CAMTA1: variants seen among roughly 807,000 people sequenced by gnomAD.
CAMTA1 encodes calmodulin binding transcription activator 1.
Under a neutral mutation model 170.9 loss-of-function variants are expected in CAMTA1, and 27 were observed. That is an observed-to-expected ratio of 0.16 (90% CI 0.12 to 0.22). CAMTA1 has a LOEUF of 0.22. Among genes scored for constraint, CAMTA1 ranks in the 10% least tolerant of loss-of-function variants. CAMTA1 has a pLI of 1.00. For missense variants in CAMTA1, 1,619 were observed against 2,217.2 expected, an observed-to-expected ratio of 0.73 and a Z score of 5.42; for synonymous variants, 833 against 891.5, an observed-to-expected ratio of 0.93 and a Z score of 1.17.
At chr1:7,473,683 C>T (rs1327114129) in intron 6 of CAMTA1, among the ~76,000 whole-genome samples, 2 of 152,238 alleles carry the variant, frequency 1.3e-5, no homozygotes, top group Admixed American at 1.3e-4. Context: ...CCTGCAGGTC[C>T]CTGAGGGCAA....
chr1:7,291,103 C>A (rs1474865702), intron 5 of CAMTA1, among the ~76,000 whole-genome samples: 3 of 152,192 alleles, frequency 2.0e-5, no homozygotes, highest in Admixed American at 1.3e-4. Context: ...CAGTGAAGCA[C>A]TGGTGGGTGG....
intron 11 of CAMTA1, among the ~76,000 whole-genome samples, chr1:7,692,515 A>C (rs930236516): frequency 1.3e-5 from 2 of 152,128 alleles, no homozygotes; most frequent in Admixed American, 1.3e-4. Context: ...GAAGGAAAGA[A>C]AGAACGAAAG....
chr1:7,553,649 G>A (rs1340946322), intron 6 of CAMTA1, among the ~76,000 whole-genome samples: 2 of 152,342 alleles, frequency 1.3e-5, no homozygotes, highest in East Asian at 1.9e-4. Flanking sequence ...AAGGTGCTGA[G>A]AGAAACTTCC....
At chr1:7,271,077 C>T (rs1669722222) in intron 5 of CAMTA1, among the ~76,000 whole-genome samples, 1 of 152,110 alleles carries the variant, frequency 6.6e-6, no homozygotes, top group African/African-American at 2.4e-5. Context: ...ATGCTGAATA[C>T]ATAAGCCCCA....
chr1:7,236,028 C>A (rs1332170892), intron 4 of CAMTA1, among the ~76,000 whole-genome samples: 1 of 152,178 alleles, frequency 6.6e-6, no homozygotes, highest in Non-Finnish European at 1.5e-5. Flanking sequence ...TCTTCCCCCT[C>A]TTTTCATAAA....
At chr1:7,735,400 G>A (rs2096763688) in intron 12 of CAMTA1, among the ~76,000 whole-genome samples, 2 of 150,380 alleles carry the variant, frequency 1.3e-5, no homozygotes, top group African/African-American at 2.5e-5. Flanking sequence ...AGCCAAGATC[G>A]TGCCACTGCA....
intron 4 of CAMTA1, among the ~76,000 whole-genome samples, chr1:7,168,670 C>T (rs1431686262): frequency 6.6e-6 from 1 of 152,232 alleles, no homozygotes; most frequent in East Asian, 1.9e-4. Flanking sequence ...TCCTAAAGTG[C>T]TGGGATTACA....
At chr1:7,437,873 G>A (rs530456775) in intron 5 of CAMTA1, among the ~76,000 whole-genome samples, 16 of 152,356 alleles carry the variant, frequency 1.1e-4, no homozygotes, top group South Asian at 8.3e-4. Context: ...GAAGCAGGCC[G>A]CACGACAGCC....
At chr1:7,697,905 A>C (rs915773111) in intron 11 of CAMTA1, among the ~76,000 whole-genome samples, 5 of 152,166 alleles carry the variant, frequency 3.3e-5, no homozygotes, top group African/African-American at 9.7e-5. Flanking sequence ...GCCAACCCAA[A>C]GCTGAATGGC....
chr1:7,539,805 T>A (rs1302726684), intron 6 of CAMTA1, among the ~76,000 whole-genome samples: 1 of 152,224 alleles, frequency 6.6e-6, no homozygotes, highest in Non-Finnish European at 1.5e-5. Flanking sequence ...GGAAGGTGCC[T>A]GCAGAGACAG....
intron 11 of CAMTA1, among the ~76,000 whole-genome samples, chr1:7,689,529 A>G (rs1019588736): frequency 6.6e-5 from 10 of 152,116 alleles, no homozygotes; most frequent in Admixed American, 5.2e-4. Flanking sequence ...CAGTGAGCTG[A>G]GATTGTGCCA....
At chr1:7,398,189 CTCTCTATATATATATA>C (rs1305469011) in intron 5 of CAMTA1, among the ~76,000 whole-genome samples, 55 of 32,304 alleles carry the variant, frequency 1.7e-3, no homozygotes, top group Middle Eastern at 0.019. Context: ...CTCTCTCTCT[CTCTCTATATATATATA>C]TATATATATA....
rs1167359969 is a variant in CAMTA1 at position 7,690,540 on chromosome 1, C to CATCG, written c.2914+12810_2914+12813dup. On this transcript the variant is annotated intron_variant, in intron 11 of 22. Coordinates refer to ENST00000303635, the MANE Select transcript of CAMTA1 (RefSeq NM_015215.4). ...GCATCACTTCAGTGGCACCAAGCTG[C>CATCG]ATCGATTGGTCTTGAGACACATGGC... is the stretch of plus-strand genomic sequence containing the variant. Among the ~76,000 whole-genome samples the CATCG allele has an allele frequency of 2.0e-5, 3 of 152,222 alleles. No homozygotes were observed. In the East Asian group the frequency reaches 5.8e-4, roughly 29 times the overall value.
In CAMTA1 at chr1:7,640,390, C is replaced by T. The variant is rs371053060; in HGVS notation, c.511-10C>T. Reference sequence around the variant, plus strand: ...CACCCTCATGCTGCCAGTCTCTGCTCTCCCCACAGAACCCCGACATCGTCC... The same window carrying T: ...CACCCTCATGCTGCCAGTCTCTGCTTTCCCCACAGAACCCCGACATCGTCC... On this transcript the variant is annotated splice_polypyrimidine_tract_variant and intron_variant, in intron 6 of 22. Transcript: ENST00000303635. The T allele has an allele frequency of 9.4e-5, 151 of 1,613,668 alleles. No individual in the cohort carries two copies. Among genetic ancestry groups the T allele is most frequent in the Admixed American group, 6.3e-4 (38 of 60,036 alleles).
intron 5 of CAMTA1, among the ~76,000 whole-genome samples, chr1:7,334,547 C>A (rs1327945009): frequency 1.3e-5 from 2 of 152,206 alleles, no homozygotes; most frequent in African/African-American, 4.8e-5. Context: ...TAAAACTGGG[C>A]CAAGGCAGCT....
Position 6,945,867 on chromosome 1 carries a change from T to C in CAMTA1, c.234+120657T>C, listed in dbSNP as rs1490350204. ...TTTTTATTGCTGGATAACATCCTGT[T>C]GTATGGATTAAGCCACACTTTATTT... On this transcript the variant is annotated intron_variant, in intron 3 of 22. Coordinates refer to ENST00000303635, the MANE Select transcript of CAMTA1 (RefSeq NM_015215.4). Among the ~76,000 whole-genome samples the C allele has an allele frequency of 3.3e-5, 5 of 152,264 alleles. No individual in the cohort carries two copies. The East Asian group carries it at 9.6e-4, about 29-fold the overall frequency.
intron 1 of CAMTA1, among the ~76,000 whole-genome samples, chr1:6,802,767 T>C (rs1415870432): frequency 6.6e-6 from 1 of 151,946 alleles, no homozygotes; most frequent in Non-Finnish European, 1.5e-5. Flanking sequence ...CAAGGTCTTA[T>C]TCTGTCGCCC....
At position 7,250,705 on chromosome 1, in the gene CAMTA1, C is replaced by T. The variant is rs1425862189; in HGVS notation, c.438+1079C>T. Among the ~76,000 whole-genome samples, 12 of 152,060 alleles carry T rather than the reference C, an allele frequency of 7.9e-5. No homozygotes were observed. In the South Asian group the frequency reaches 2.5e-3, roughly 32 times the overall value. Reference sequence around the variant, plus strand: ...GCACCAAATGGCCTGTATTATATGACCTCACAGAGGGATGACTTTTGTTTT... The same window carrying T: ...GCACCAAATGGCCTGTATTATATGATCTCACAGAGGGATGACTTTTGTTTT... On this transcript the variant is annotated intron_variant, in intron 5 of 22. Coordinates refer to ENST00000303635, the MANE Select transcript of CAMTA1 (RefSeq NM_015215.4).
At position 7,053,439 on chromosome 1, in the gene CAMTA1, C is replaced by T. The variant is rs117775690; in HGVS notation, c.235-37865C>T. Among the ~76,000 whole-genome samples, 37 of 152,324 alleles carry T rather than the reference C, an allele frequency of 2.4e-4. No individual in the cohort carries two copies. The East Asian group carries it at 6.2e-3, about 25-fold the overall frequency. ...TCCTGCATCACTCCTGCCTCTGCGC[C>T]CTTGCTCTAGAACCTTCTCCACGTG... On this transcript the variant is annotated intron_variant, in intron 3 of 22. Coordinates refer to ENST00000303635, the MANE Select transcript of CAMTA1 (RefSeq NM_015215.4).
Sources: allele counts gnomAD v4.1 joint callset (sites outside exome capture counted in the v4.1 genomes callset), GRCh38; gene constraint gnomAD v4.1.1; transcripts MANE v1.5; gene names NCBI Gene and HGNC (gene_info 2026-07-23, HGNC 2026-07-21).